Variants in SNX9 observed in about 807,000 individuals in gnomAD.
SNX9 encodes the protein sorting nexin-9.
Under a neutral mutation model 89.4 loss-of-function variants are expected in SNX9, and 44 were observed. The ratio of observed to expected loss-of-function variants is 0.49; its 90% CI spans 0.39 to 0.63. SNX9 has a LOEUF of 0.63. Among genes scored for constraint, SNX9 ranks in the 30% least tolerant of loss-of-function variants. The pLI is 0.00. For synonymous variants in SNX9, 236 were observed against 247.8 expected (o/e 0.95, Z 0.45); for missense variants, 578 against 736.1 (o/e 0.79, Z 2.49).
chr6:157,832,327 T>C (rs1781493618), intron 1 of SNX9, among the ~76,000 whole-genome samples: 1 of 152,214 alleles, frequency 6.6e-6, no homozygotes, highest in Non-Finnish European at 1.5e-5. Flanking sequence ...ACTCATTCAT[T>C]TGAACTTCAG....
intron 1 of SNX9, among the ~76,000 whole-genome samples, chr6:157,843,234 A>G (rs1330177689): frequency 1.3e-5 from 2 of 152,188 alleles, no homozygotes; most frequent in Non-Finnish European, 2.9e-5. Context: ...AAAAAGAAAT[A>G]TAGCTGACCC....
chr6:157,898,768 A>G (rs957591031), intron 5 of SNX9, among the ~76,000 whole-genome samples: 1 of 152,226 alleles, frequency 6.6e-6, no homozygotes, highest in Admixed American at 6.5e-5. Flanking sequence ...TGGGCCAAGA[A>G]TTGAATGTCT....
chr6:157,853,872 TTTA>T (rs1444451243), intron 1 of SNX9, among the ~76,000 whole-genome samples: 6 of 152,194 alleles, frequency 3.9e-5, no homozygotes, highest in Non-Finnish European at 8.8e-5. Context: ...GGGCTTTATT[TTTA>T]TTACTTCATT....
chr6:157,892,622 A>G (rs893549796), intron 4 of SNX9: 1 of 152,210 alleles, frequency 6.6e-6, no homozygotes, highest in African/African-American at 2.4e-5. Flanking sequence ...ATTTTCAAAG[A>G]ACAATTATTT....
intron 14 of SNX9, among the ~76,000 whole-genome samples, chr6:157,936,393 C>T (rs1325383408): frequency 6.6e-6 from 1 of 152,114 alleles, no homozygotes; most frequent in Middle Eastern, 3.2e-3. Context: ...CCTGTAGTCC[C>T]AGCTACTCGG....
intron 3 of SNX9, chr6:157,874,280 A>G (rs1047214106): frequency 1.3e-5 from 2 of 152,280 alleles, no homozygotes; most frequent in African/African-American, 4.8e-5. Context: ...GCAACCCCCT[A>G]TTCACAGGCC....
At chr6:157,937,213 T>C (rs756524793) in intron 14 of SNX9, among the ~76,000 whole-genome samples, 8 of 152,274 alleles carry the variant, frequency 5.3e-5, no homozygotes, top group Non-Finnish European at 7.3e-5. Context: ...ACAAACCAAC[T>C]TAAAAATTAC....
chr6:157,934,608 A>G (rs952951385), intron 13 of SNX9, among the ~76,000 whole-genome samples: 3 of 152,228 alleles, frequency 2.0e-5, no homozygotes, highest in East Asian at 1.9e-4. Context: ...AGTCAATATC[A>G]TGTTGGTATT....
intron 9 of SNX9, among the ~76,000 whole-genome samples, chr6:157,911,973 G>A (rs1043590198): frequency 6.6e-5 from 10 of 152,164 alleles, no homozygotes; most frequent in African/African-American, 2.4e-4. Flanking sequence ...TCGTGGTGCT[G>A]GGGCGGTGGA....
chr6:157,892,169 C>A (rs1384069607), intron 4 of SNX9, among the ~76,000 whole-genome samples: 3 of 152,072 alleles, frequency 2.0e-5, no homozygotes, highest in Non-Finnish European at 4.4e-5. Flanking sequence ...AAACCTCAGC[C>A]CAGGAGCTGA....
At chr6:157,842,226 A>G (rs1339931002) in intron 1 of SNX9, among the ~76,000 whole-genome samples, 1 of 152,224 alleles carries the variant, frequency 6.6e-6, no homozygotes, top group East Asian at 1.9e-4. Context: ...TTAAGGTGAG[A>G]ACAGTGCCAT....
In SNX9 at chr6:157,832,271, G is replaced by A. The variant is rs527927768; in HGVS notation, c.12+8825G>A. Among the ~76,000 whole-genome samples the A allele has an allele frequency of 5.3e-5, 8 of 152,304 alleles. No homozygotes were observed. In the South Asian group the frequency reaches 1.7e-3, roughly 32 times the overall value. On this transcript the variant is annotated intron_variant, in intron 1 of 17. Coordinates refer to ENST00000392185, the MANE Select transcript of SNX9 (RefSeq NM_016224.5). Reference sequence around the variant, plus strand: ...AACTTTAGGGATAAATTAAAGAGGGGGAAATGCAGCTTCATTCTGTTGCCT... The same window carrying A: ...AACTTTAGGGATAAATTAAAGAGGGAGAAATGCAGCTTCATTCTGTTGCCT...
chr6:157,896,123 T>A (rs1326075349), intron 4 of SNX9, among the ~76,000 whole-genome samples: 1 of 152,204 alleles, frequency 6.6e-6, no homozygotes, highest in Non-Finnish European at 1.5e-5. Context: ...CTGCCCAGAT[T>A]CATGAATCTC....
intron 11 of SNX9, 36 bp from the exon 12 acceptor site, chr6:157,928,563 C>A: frequency 6.5e-7 from 1 of 1,534,886 alleles, no homozygotes; most frequent in South Asian, 1.2e-5. Context: ...TGCTGTTTCT[C>A]CTGCTTATGT....
At chr6:157,935,427 G>A (rs1378225452) in intron 13 of SNX9, among the ~76,000 whole-genome samples, 1 of 152,118 alleles carries the variant, frequency 6.6e-6, no homozygotes, top group Non-Finnish European at 1.5e-5. Flanking sequence ...CAGGGACAGG[G>A]GAGTGTGTGA....
At chr6:157,904,804 T>G (rs1783176784) in intron 6 of SNX9, among the ~76,000 whole-genome samples, 1 of 152,202 alleles carries the variant, frequency 6.6e-6, no homozygotes. Flanking sequence ...CTCCTCCAGG[T>G]CCTGAAAACA....
At chr6:157,913,257 TA>T (rs35300766) in intron 9 of SNX9, among the ~76,000 whole-genome samples, 2,284 of 152,286 alleles carry the variant, frequency 0.015, 63 homozygotes, top group African/African-American at 0.052. Flanking sequence ...TTTTAGGTAA[TA>T]AAAGTTTTTT....
chr6:157,936,078 T>TG (rs1477980709), intron 14 of SNX9, 38 bp downstream of exon 14: 2 of 1,505,502 alleles, frequency 1.3e-6, no homozygotes, highest in African/African-American at 2.8e-5. Context: ...TAAGATTTGT[T>TG]GCTATCTAGT....
intron 11 of SNX9, among the ~76,000 whole-genome samples, chr6:157,927,777 A>G (rs1487924518): frequency 8.3e-6 from 1 of 120,828 alleles, no homozygotes; most frequent in Non-Finnish European, 1.6e-5. Context: ...CCCAGGCTGG[A>G]GTGCAGTGGC....
Sources: gnomAD v4.1 joint callset for allele counts (sites outside exome capture counted in the v4.1 genomes callset) on GRCh38, gnomAD v4.1.1 for gene constraint, MANE v1.5 for transcripts, NCBI Gene and HGNC (gene_info 2026-07-23, HGNC 2026-07-21) for gene names.